The following PRKCB variants were observed in gnomAD, a reference collection of about 807,000 sequenced individuals.
The protein encoded by PRKCB is protein kinase C beta, also known as protein kinase C beta type.
In PRKCB, 13 loss-of-function variants were observed where a neutral mutation model predicts 81.5. The ratio of observed to expected loss-of-function variants is 0.16; its 90% CI spans 0.10 to 0.25. PRKCB has a LOEUF of 0.25. Among genes scored for constraint, PRKCB ranks in the 10% least tolerant of loss-of-function variants. The pLI, the probability that PRKCB is intolerant of heterozygous loss-of-function variation, is 1.00. For missense variants in PRKCB, 509 were observed against 875.7 expected, an observed-to-expected ratio of 0.58 and a Z score of 5.29; for synonymous variants, 335 against 321.4, an observed-to-expected ratio of 1.04 and a Z score of -0.45.
At chr16:23,928,433 A>G (rs1963926461) in intron 2 of PRKCB, among the ~76,000 whole-genome samples, 1 of 152,030 alleles carries the variant, frequency 6.6e-6, no homozygotes, top group Non-Finnish European at 1.5e-5. Context: ...CGGCCCACAG[A>G]CATTTACTGA....
chr16:24,098,050 C>T lies in PRKCB; in HGVS notation c.821+3753C>T, dbSNP rs1295581793. 2.6e-5 allele frequency among the ~76,000 whole-genome samples: 4 copies of T among 152,294 alleles called. No homozygotes were observed. In the East Asian group the frequency reaches 7.7e-4, roughly 29 times the overall value. ...ATAATGAGACATCGTGTCTGACTCT[C>T]CCTTCTCATCATGGCCTGAAACAGT... is the stretch of plus-strand genomic sequence containing the variant. On this transcript the variant is annotated intron_variant, in intron 7 of 16. Transcript: ENST00000643927.
chr16:23,915,015 C>A (rs376629951), intron 2 of PRKCB, among the ~76,000 whole-genome samples: 1 of 152,186 alleles, frequency 6.6e-6, no homozygotes, highest in African/African-American at 2.4e-5. Context: ...CTCTGGGCAG[C>A]CTTTTCTGGC....
intron 7 of PRKCB, among the ~76,000 whole-genome samples, chr16:24,095,990 G>C (rs1019027878): frequency 2.0e-5 from 3 of 152,052 alleles, no homozygotes; most frequent in Non-Finnish European, 4.4e-5. Flanking sequence ...TTGGGCAAGG[G>C]CTATTATCAT....
intron 2 of PRKCB, among the ~76,000 whole-genome samples, chr16:23,883,206 A>C (rs1963151265): frequency 6.6e-6 from 1 of 152,198 alleles, no homozygotes; most frequent in African/African-American, 2.4e-5. Flanking sequence ...ATGATACTGA[A>C]TCAGGATTTG....
chr16:24,218,204 A>G lies in PRKCB; in HGVS notation c.*3388A>G, dbSNP rs1281953213. Reference sequence around the variant, plus strand: ...AAACAAGACAATTTCTGAAAGCAATAAGTGCAATCAAGATAATTAAAGGAT... The same window carrying G: ...AAACAAGACAATTTCTGAAAGCAATGAGTGCAATCAAGATAATTAAAGGAT... On this transcript the variant is annotated 3_prime_UTR_variant, in exon 17 of 17. Coordinates refer to ENST00000643927, the MANE Select transcript of PRKCB (RefSeq NM_002738.7). 3 of 985,292 alleles carry G rather than the reference A, an allele frequency of 3.0e-6. No homozygotes were observed. The highest frequency in any genetic ancestry group is 3.6e-6 in the Non-Finnish European group (3 of 829,930). The allele number at this position is 985,292 out of a possible 1,614,324, so 61.0% of individuals were successfully genotyped here.
chr16:23,959,744 A>G (rs1964399090), intron 2 of PRKCB, among the ~76,000 whole-genome samples: 1 of 152,084 alleles, frequency 6.6e-6, no homozygotes, highest in Non-Finnish European at 1.5e-5. Flanking sequence ...TCACTCCCCC[A>G]GAAGGTCACC....
chr16:23,983,638 T>G (rs1380833561), intron 2 of PRKCB, among the ~76,000 whole-genome samples: 1 of 152,174 alleles, frequency 6.6e-6, no homozygotes, highest in Non-Finnish European at 1.5e-5. Context: ...CCAGGAATTG[T>G]GGTAGACACT....
At chr16:23,864,459 C>A (rs931970309) in intron 2 of PRKCB, among the ~76,000 whole-genome samples, 2 of 152,200 alleles carry the variant, frequency 1.3e-5, no homozygotes, top group African/African-American at 4.8e-5. Context: ...CTACTGTATA[C>A]TGGGGATACA....
At chr16:23,956,906 C>T (rs1343898796) in intron 2 of PRKCB, among the ~76,000 whole-genome samples, 1 of 142,554 alleles carries the variant, frequency 7.0e-6, no homozygotes. Context: ...ATTGGGAGGC[C>T]ATGTGGAAGG....
At chr16:24,192,524 G>A (rs74862174) in intron 16 of PRKCB, among the ~76,000 whole-genome samples, 1 of 152,294 alleles carries the variant, frequency 6.6e-6, no homozygotes, top group East Asian at 1.9e-4. Flanking sequence ...GAGGTGAGAT[G>A]CATAACTCAT....
intron 9 of PRKCB, among the ~76,000 whole-genome samples, chr16:24,145,168 C>G (rs2141946745): frequency 6.6e-6 from 1 of 152,208 alleles, no homozygotes. Context: ...GAGCAAAAGG[C>G]AGTGATTCTG....
chr16:24,074,924 C>T (rs978712396), intron 5 of PRKCB, among the ~76,000 whole-genome samples: 3 of 152,042 alleles, frequency 2.0e-5, no homozygotes, highest in Non-Finnish European at 2.9e-5. Context: ...GAGTTTGAGA[C>T]CAATCTGAGC....
At chr16:24,056,269 C>T (rs956900222) in intron 5 of PRKCB, among the ~76,000 whole-genome samples, 3 of 152,224 alleles carry the variant, frequency 2.0e-5, no homozygotes, top group African/African-American at 4.8e-5. Flanking sequence ...TCAGACTGAC[C>T]TGGGCTAATC....
intron 8 of PRKCB, among the ~76,000 whole-genome samples, chr16:24,113,804 G>A (rs979497800): frequency 3.3e-5 from 5 of 152,078 alleles, no homozygotes; most frequent in Admixed American, 3.3e-4. Context: ...CTTGCCTTAT[G>A]AAGTTATTCC....
chr16:24,135,239 G>T (rs1199119582), intron 9 of PRKCB, among the ~76,000 whole-genome samples: 2 of 151,120 alleles, frequency 1.3e-5, no homozygotes, highest in Non-Finnish European at 2.9e-5. Flanking sequence ...CAAAGGCCAG[G>T]GTGCTTAACT....
chr16:23,971,149 T>G (rs76317282), intron 2 of PRKCB, among the ~76,000 whole-genome samples: 2,068 of 152,364 alleles, frequency 0.014, 47 homozygotes, highest in African/African-American at 0.047. Context: ...TGTTTTAGTA[T>G]TATTTTTATT....
intron 12 of PRKCB, among the ~76,000 whole-genome samples, chr16:24,180,525 C>T (rs762249709): frequency 2.6e-5 from 4 of 152,114 alleles, no homozygotes; most frequent in African/African-American, 7.2e-5. Flanking sequence ...TGTGGATCTC[C>T]GTCTTTTCAG....
intron 7 of PRKCB, among the ~76,000 whole-genome samples, chr16:24,105,305 T>C (rs897115882): frequency 2.0e-5 from 3 of 152,182 alleles, no homozygotes; most frequent in Admixed American, 2.0e-4. Flanking sequence ...TCTGCCCACC[T>C]TGGCCTCCCA....
intron 2 of PRKCB, among the ~76,000 whole-genome samples, chr16:23,964,030 G>A (rs7198418): frequency 0.043 from 6,521 of 152,220 alleles, 402 homozygotes; most frequent in African/African-American, 0.13. Context: ...CTACTGCGGG[G>A]ATTAAATGAG....
Sources: gnomAD v4.1 joint callset for allele counts (sites outside exome capture counted in the v4.1 genomes callset) on GRCh38, gnomAD v4.1.1 for gene constraint, MANE v1.5 for transcripts, NCBI Gene and HGNC (gene_info 2026-07-23, HGNC 2026-07-21) for gene names.